GIGYF2: variants seen among roughly 807,000 people sequenced by gnomAD.
GIGYF2 encodes the protein GRB10-interacting GYF protein 2.
GIGYF2 carries 25 observed loss-of-function variants against 208.1 expected under a neutral mutation model. That is an observed-to-expected ratio of 0.12 (90% CI 0.09 to 0.17). The LOEUF (loss-of-function observed/expected upper bound fraction) is 0.17. Among genes scored for constraint, GIGYF2 ranks in the 10% least tolerant of loss-of-function variants. GIGYF2 has a pLI of 1.00. For synonymous variants in GIGYF2, 534 were observed against 543.8 expected, an observed-to-expected ratio of 0.98 and a Z score of 0.25; for missense variants, 1,302 against 1,579.4, an observed-to-expected ratio of 0.82 and a Z score of 2.98.
chr2:232,794,061 G>A (rs1283563620), intron 12 of GIGYF2, among the ~76,000 whole-genome samples: 1 of 152,146 alleles, frequency 6.6e-6, no homozygotes, highest in Non-Finnish European at 1.5e-5. Flanking sequence ...AGAGGAGCAG[G>A]AATTTGGAGA....
rs985378487 is a variant in GIGYF2 at position 232,806,169 on chromosome 2, A to T, written c.1640-322A>T. On this transcript the variant is annotated intron_variant, in intron 14 of 28. Coordinates refer to ENST00000373563, the MANE Select transcript of GIGYF2 (RefSeq NM_001103146.3). This position sits in a 1 kb window ranked among gnomAD's most constrained non-coding sequence, Gnocchi z 4.0. ...TATATTCTTTACGCCTAAATGATAC[A>T]AAGTCTAGTAAATAGTTAACTCTTC... is the stretch of plus-strand genomic sequence containing the variant. 3.9e-5 allele frequency among the ~76,000 whole-genome samples: 6 copies of T among 152,214 alleles called. No individual in the cohort carries two copies. The highest frequency in any genetic ancestry group is 8.8e-5 in the Non-Finnish European group (6 of 68,026).
intron 15 of GIGYF2, among the ~76,000 whole-genome samples, chr2:232,808,460 C>T (rs1700626300): frequency 2.0e-5 from 3 of 152,090 alleles, no homozygotes; most frequent in South Asian, 2.1e-4. Context: ...TGTCTTTGAC[C>T]TGAATATTGT....
intron 9 of GIGYF2, among the ~76,000 whole-genome samples, chr2:232,790,130 T>A (rs1035462176): frequency 3.9e-5 from 6 of 152,144 alleles, no homozygotes; most frequent in Non-Finnish European, 8.8e-5. Flanking sequence ...CTGTGACAAC[T>A]TTCAGCACTG....
intron 13 of GIGYF2, among the ~76,000 whole-genome samples, chr2:232,795,802 GT>G (rs923927600): frequency 2.0e-5 from 3 of 152,156 alleles, no homozygotes; most frequent in African/African-American, 7.2e-5. Flanking sequence ...AGCAGTGTTT[GT>G]TTTAATCTTA....
At chr2:232,707,040 G>T (rs1161960972) in intron 2 of GIGYF2, among the ~76,000 whole-genome samples, 2 of 151,802 alleles carry the variant, frequency 1.3e-5, no homozygotes, top group African/African-American at 4.8e-5. Context: ...AAATGATGTG[G>T]CAATGTTGAT....
intron 3 of GIGYF2, chr2:232,735,885 C>T (rs1324170183): frequency 8.1e-6 from 8 of 983,454 alleles, no homozygotes; most frequent in Non-Finnish European, 9.7e-6. Context: ...ATCCTCTCTT[C>T]AGTGGCATCA....
At chr2:232,813,829 A>T (rs931450984) in intron 18 of GIGYF2, among the ~76,000 whole-genome samples, 9 of 151,914 alleles carry the variant, frequency 5.9e-5, no homozygotes, top group African/African-American at 1.9e-4. Context: ...CCACAATCCA[A>T]AATGGTTCAA....
At chr2:232,761,019 G>A (rs1160247736) in intron 7 of GIGYF2, among the ~76,000 whole-genome samples, 2 of 152,030 alleles carry the variant, frequency 1.3e-5, no homozygotes, top group Non-Finnish European at 2.9e-5. Context: ...AAGCCAAACA[G>A]ATTGATGTTG....
At chr2:232,810,655 A>G (rs931799721) in intron 16 of GIGYF2, 2 of 157,796 alleles carry the variant, frequency 1.3e-5, no homozygotes, top group South Asian at 1.8e-4. Context: ...TAGGATGTAT[A>G]TTGCTGCTTT....
At chr2:232,777,087 C>A (rs1039468839) in intron 8 of GIGYF2, among the ~76,000 whole-genome samples, 1 of 151,460 alleles carries the variant, frequency 6.6e-6, no homozygotes. Flanking sequence ...TACGTGAAAT[C>A]TTTTATTTTT....
In GIGYF2 at chr2:232,836,310, A is replaced by T. The variant is rs1410000703; in HGVS notation, c.2766+3217A>T. 7.5e-3 allele frequency among the ~76,000 whole-genome samples: 153 copies of T among 20,400 alleles called. 2 individuals carry two copies. The highest frequency in any genetic ancestry group is 0.013 in the Non-Finnish European group (111 of 8,646). 13.4% of individuals were successfully genotyped at this position (20,400 alleles called of 152,430 possible). On this transcript the variant is annotated intron_variant, in intron 22 of 28. Coordinates refer to ENST00000373563, the MANE Select transcript of GIGYF2 (RefSeq NM_001103146.3). ...TATATATATATATATATATATATAT[A>T]TATATATATATATATATATACATAT...
intron 23 of GIGYF2, among the ~76,000 whole-genome samples, chr2:232,842,265 A>G (rs1701842910): frequency 6.6e-6 from 1 of 151,724 alleles, no homozygotes; most frequent in South Asian, 2.1e-4. Context: ...ATGGTAACTC[A>G]CTGTAACCTT....
In GIGYF2 at chr2:232,768,509, A is replaced by T; in HGVS notation, c.532+7073A>T. ...GAGAAGGATTTTCATGCTGGAGCAG[A>T]GTAGCCAGAGGACTTGATGGTGTAA... On this transcript the variant is annotated intron_variant, in intron 8 of 28. Transcript: ENST00000373563. 1.9e-6 allele frequency: 3 copies of T among 1,614,178 alleles called. No homozygotes were observed. The Admixed American group carries it at 5.0e-5, about 27-fold the overall frequency.
intron 22 of GIGYF2, among the ~76,000 whole-genome samples, chr2:232,837,219 C>T (rs989695937): frequency 3.3e-5 from 5 of 152,200 alleles, no homozygotes; most frequent in Middle Eastern, 3.4e-3. Flanking sequence ...TGAGACACAC[C>T]GATGTGCTTT....
At chr2:232,802,939 G>A (rs979352372) in intron 14 of GIGYF2, among the ~76,000 whole-genome samples, 18 of 149,862 alleles carry the variant, frequency 1.2e-4, no homozygotes, top group Non-Finnish European at 2.5e-4. Context: ...TAGCTCTGTC[G>A]GCCAGGCTGG....
chr2:232,724,207 ATTTTTTTT>A (rs1163865821), intron 2 of GIGYF2, among the ~76,000 whole-genome samples: 83 of 114,178 alleles, frequency 7.3e-4, no homozygotes, highest in African/African-American at 1.2e-3. Flanking sequence ...ACACCTGGCT[ATTTTTTTT>A]TTTTTTTTTT....
At chr2:232,730,829 C>T (rs897325445) in intron 2 of GIGYF2, among the ~76,000 whole-genome samples, 3 of 124,072 alleles carry the variant, frequency 2.4e-5, no homozygotes, top group East Asian at 2.5e-4. Flanking sequence ...ACCCGGGAGG[C>T]GGAGCTTGCA....
chr2:232,828,655 C>T (rs1701325068), intron 21 of GIGYF2: 1 of 152,052 alleles, frequency 6.6e-6, no homozygotes, highest in South Asian at 2.1e-4. Flanking sequence ...AGGGTCTTGG[C>T]TGGTCTGATG....
chr2:232,856,908 A>G lies in GIGYF2; in HGVS notation c.*48A>G. The G allele has an allele frequency of 8.1e-7, 1 of 1,241,932 alleles. No homozygotes were observed. The highest frequency in any genetic ancestry group is 1.2e-5 in the South Asian group (1 of 83,672). The allele number at this position is 1,241,932 out of a possible 1,614,324, so 76.9% of individuals were successfully genotyped here. Reference sequence around the variant, plus strand: ...TCCCTCTCCTGTCTGCCGACTATGGAGTCTCCACCTTTGGACACAACACTT... The same window carrying G: ...TCCCTCTCCTGTCTGCCGACTATGGGGTCTCCACCTTTGGACACAACACTT... On this transcript the variant is annotated 3_prime_UTR_variant, in exon 29 of 29. Coordinates refer to ENST00000373563, the MANE Select transcript of GIGYF2 (RefSeq NM_001103146.3).
Sources: allele counts gnomAD v4.1 joint callset (sites outside exome capture counted in the v4.1 genomes callset), GRCh38; gene constraint gnomAD v4.1.1; non-coding constraint Gnocchi (gnomAD v3.1); transcripts MANE v1.5; gene names NCBI Gene and HGNC (gene_info 2026-07-23, HGNC 2026-07-21).